Variants in YPEL1 observed in about 807,000 individuals in gnomAD.
The protein encoded by YPEL1 is protein yippee-like 1.
A neutral mutation model predicts 17.3 loss-of-function variants in YPEL1; 7 were observed. The ratio of observed to expected loss-of-function variants is 0.40; its 90% CI spans 0.23 to 0.76. The LOEUF (loss-of-function observed/expected upper bound fraction) is 0.76, where lower values mean the gene tolerates loss of function less well. Ranked by LOEUF, YPEL1 falls within the 30% of genes least tolerant of loss-of-function variation. YPEL1 has a pLI of 0.35. For missense variants in YPEL1, 91 were observed against 155.5 expected (o/e 0.59, Z 2.21); for synonymous variants, 59 against 59.6 (o/e 0.99, Z 0.05).
intron 2 of YPEL1, among the ~76,000 whole-genome samples, chr22:21,708,203 A>G (rs185074239): frequency 2.0e-5 from 3 of 152,068 alleles, no homozygotes; most frequent in Admixed American, 6.5e-5. Context: ...CGCCCGGCCC[A>G]TCACCCATGG....
At chr22:21,728,407 C>T (rs1293775135) in intron 1 of YPEL1, among the ~76,000 whole-genome samples, 3 of 152,328 alleles carry the variant, frequency 2.0e-5, no homozygotes, top group East Asian at 3.9e-4. Context: ...GGACGTGCAG[C>T]GGCTCCCAGA....
In YPEL1 at chr22:21,710,715, G is replaced by A; in HGVS notation, c.30C>T (p.Phe10=). 2 of 1,614,222 alleles carry A rather than the reference G, an allele frequency of 1.2e-6. No homozygotes were observed. Among genetic ancestry groups the A allele is most frequent in the Non-Finnish European group, 1.7e-6 (2 of 1,180,040 alleles). ...GGTGACAGTTCGGCAGATACGCTTGGAAAGTTTTGGACTTTGTCATTTTCA... is the reference window on the plus strand; with the variant it reads ...GGTGACAGTTCGGCAGATACGCTTGAAAAGTTTTGGACTTTGTCATTTTCA... The part of the protein sequence containing the change: MVKMTKSKT[F]QAYLPNCHRT... Residue 10 remains phenylalanine (F), a synonymous_variant, in exon 2 of 5, where the codon TTC becomes TTT. Transcript: ENST00000339468.
At chr22:21,734,684 A>T (rs982736635) in intron 1 of YPEL1, among the ~76,000 whole-genome samples, 1 of 152,150 alleles carries the variant, frequency 6.6e-6, no homozygotes, top group African/African-American at 2.4e-5. Context: ...TGATTGTAAG[A>T]CAAAATGACA....
intron 1 of YPEL1, among the ~76,000 whole-genome samples, chr22:21,720,460 C>G (rs1190963820): frequency 1.3e-5 from 2 of 152,030 alleles, no homozygotes; most frequent in African/African-American, 4.8e-5. Flanking sequence ...CCCAGCCTCC[C>G]AAAGTGCTGG....
rs2068157623 is a variant in YPEL1 at position 21,710,850 on chromosome 22, C to T, written c.-106G>A. On this transcript the variant is annotated 5_prime_UTR_variant, in exon 2 of 5. Transcript: ENST00000339468. ...ACTGGAAAATGCACGCAAGAGCCGTCGTTGTCCAGGAGGGCGTGTGGCACT... is the reference window on the plus strand; with the variant it reads ...ACTGGAAAATGCACGCAAGAGCCGTTGTTGTCCAGGAGGGCGTGTGGCACT... 4 of 1,018,520 alleles carry T rather than the reference C, an allele frequency of 3.9e-6. No individual in the cohort carries two copies. In the East Asian group the frequency reaches 9.5e-5, roughly 24 times the overall value. The allele number at this position is 1,018,520 out of a possible 1,614,324, so 63.1% of individuals were successfully genotyped here. A position where few individuals can be genotyped will look rare whatever the true frequency, so the allele number is the denominator to read the frequency against.
chr22:21,712,367 T>TTAA (rs1555904116), intron 1 of YPEL1, among the ~76,000 whole-genome samples: 1 of 130,588 alleles, frequency 7.7e-6, no homozygotes, highest in South Asian at 2.5e-4. Context: ...TTGGAATATG[T>TTAA]AAAAAAAAAA....
intron 1 of YPEL1, among the ~76,000 whole-genome samples, chr22:21,716,986 T>C (rs1823284037): frequency 6.6e-6 from 1 of 152,164 alleles, no homozygotes; most frequent in Admixed American, 6.5e-5. Flanking sequence ...ATAAACAGCA[T>C]TCAGCCCAAT....
At chr22:21,732,117 C>A (rs1483462558) in intron 1 of YPEL1, among the ~76,000 whole-genome samples, 1 of 152,212 alleles carries the variant, frequency 6.6e-6, no homozygotes, top group Non-Finnish European at 1.5e-5. Context: ...CTCTCACCTG[C>A]CAACAGGTTT....
At chr22:21,718,480 T>C (rs1006866666) in intron 1 of YPEL1, among the ~76,000 whole-genome samples, 3 of 150,312 alleles carry the variant, frequency 2.0e-5, no homozygotes, top group Non-Finnish European at 4.4e-5. Flanking sequence ...AATAATAATA[T>C]AAATAAATAA....
chr22:21,704,003 GCAGACACCGGCGTCCCCCCTC>G (rs2068092436), intron 2 of YPEL1, 121 bp from the exon 3 acceptor site: 1 of 1,070,572 alleles, frequency 9.3e-7, no homozygotes, highest in Non-Finnish European at 1.4e-6. Flanking sequence ...GTCACCGGGA[GCAGACACCGGCGTCCCCCCTC>G]CAGAACTCCA....
chr22:21,721,917 T>C (rs1601638464), intron 1 of YPEL1, among the ~76,000 whole-genome samples: 1 of 152,326 alleles, frequency 6.6e-6, no homozygotes, highest in African/African-American at 2.4e-5. Flanking sequence ...ATCCTGATGT[T>C]TGATTCCATG....
chr22:21,702,882 A>T (rs1173302950), intron 4 of YPEL1, among the ~76,000 whole-genome samples: 1 of 152,136 alleles, frequency 6.6e-6, no homozygotes, highest in Non-Finnish European at 1.5e-5. Flanking sequence ...GCTGGAGAGG[A>T]GGTGGCGATT....
At chr22:21,706,444 A>G (rs560335606) in intron 2 of YPEL1, among the ~76,000 whole-genome samples, 18 of 152,194 alleles carry the variant, frequency 1.2e-4, no homozygotes, top group East Asian at 5.8e-4. Flanking sequence ...CACAAAAAAA[A>G]AAAAAAGAAA....
intron 1 of YPEL1, among the ~76,000 whole-genome samples, chr22:21,735,071 G>C (rs144061235): frequency 1.1e-3 from 164 of 152,246 alleles, no homozygotes; most frequent in East Asian, 3.1e-3. Flanking sequence ...AGCCAAGCAT[G>C]GGGGAGGCGG....
Position 21,703,539 on chromosome 22 carries a change from C to T in YPEL1, c.162-61G>A. 3 of 1,465,372 alleles carry T rather than the reference C, an allele frequency of 2.0e-6. No homozygotes were observed. The highest frequency in any genetic ancestry group is 3.4e-5 in the Admixed American group (2 of 59,092). 90.8% of individuals were successfully genotyped at this position (1,465,372 alleles called of 1,614,324 possible). ...GGCCCGCCCCTGACCAGGCCCTGCCCCCTCAGCGGGCCCCACCCCATCCTC... is the reference window on the plus strand; with the variant it reads ...GGCCCGCCCCTGACCAGGCCCTGCCTCCTCAGCGGGCCCCACCCCATCCTC... On this transcript the variant is annotated intron_variant, in intron 3 of 4. Coordinates refer to ENST00000339468, the MANE Select transcript of YPEL1 (RefSeq NM_013313.5). This position sits in a 1 kb window ranked among gnomAD's most constrained non-coding sequence, Gnocchi z 6.1.
chr22:21,734,006 G>A (rs555651485), intron 1 of YPEL1, among the ~76,000 whole-genome samples: 35 of 152,268 alleles, frequency 2.3e-4, no homozygotes, highest in African/African-American at 8.2e-4. Flanking sequence ...CTTGAGCCTA[G>A]GAGTTCAAGA....
At chr22:21,732,078 C>T (rs1312443166) in intron 1 of YPEL1, among the ~76,000 whole-genome samples, 1 of 152,220 alleles carries the variant, frequency 6.6e-6, no homozygotes, top group East Asian at 1.9e-4. Context: ...GTGTGGGCAA[C>T]AGTGGTTGGC....
In YPEL1 at chr22:21,710,903, C is replaced by T. The variant is rs1007092916; in HGVS notation, c.-159G>A. On this transcript the variant is annotated 5_prime_UTR_variant, in exon 2 of 5. Transcript: ENST00000339468. ...CCACACAGCTGGGACGAGAGAAAAA[C>T]GTAACCTGCCAACCAATCAGACAAA... 4.1e-5 allele frequency: 28 copies of T among 682,916 alleles called. No individual in the cohort carries two copies. The highest frequency in any genetic ancestry group is 6.3e-5 in the Non-Finnish European group (24 of 378,794). 42.3% of individuals were successfully genotyped at this position (682,916 alleles called of 1,614,324 possible).
intron 1 of YPEL1, among the ~76,000 whole-genome samples, chr22:21,721,425 CTT>C (rs55953362): frequency 6.7e-6 from 1 of 149,572 alleles, no homozygotes; most frequent in African/African-American, 2.5e-5. Flanking sequence ...GCCTTTTTTT[CTT>C]TTTTTTTTTT....
Sources: allele counts gnomAD v4.1 joint callset (sites outside exome capture counted in the v4.1 genomes callset), GRCh38; gene constraint gnomAD v4.1.1; non-coding constraint Gnocchi (gnomAD v3.1); transcripts MANE v1.5; gene names NCBI Gene and HGNC (gene_info 2026-07-23, HGNC 2026-07-21).